ACTA2: variants seen among roughly 807,000 people sequenced by gnomAD.
ACTA2 encodes the protein actin alpha 2, smooth muscle.
In ACTA2, 12 loss-of-function variants were observed where a neutral mutation model predicts 39.5. That is an observed-to-expected ratio of 0.30 (90% CI 0.19 to 0.49). ACTA2 has a LOEUF of 0.49. Ranked by LOEUF, ACTA2 falls within the 20% of genes least tolerant of loss-of-function variation. ACTA2 has a pLI of 0.99. For synonymous variants in ACTA2, 158 were observed against 180.6 expected (o/e 0.88, Z 1.00); for missense variants, 236 against 498.8 (o/e 0.47, Z 5.02).
intron 7 of ACTA2, among the ~76,000 whole-genome samples, chr10:88,938,858 A>G (rs1046441900): frequency 6.6e-6 from 1 of 152,154 alleles, no homozygotes; most frequent in Admixed American, 6.5e-5. Flanking sequence ...CAATAGCACT[A>G]CCTGATTATT....
At chr10:88,941,051 T>C (rs981671736) in intron 6 of ACTA2, 178 bp downstream of exon 6, 7 of 733,206 alleles carry the variant, frequency 9.5e-6, no homozygotes, top group Non-Finnish European at 1.7e-5. Flanking sequence ...AAGGAAATAG[T>C]GTAATCATTT....
chr10:88,973,179 TA>T, intron 1 of ACTA2: 1 of 1,612,110 alleles, frequency 6.2e-7, no homozygotes, highest in South Asian at 1.1e-5. Context: ...GTGTGACCTA[TA>T]GATTCAGAAA....
In ACTA2 at chr10:88,990,865, T is replaced by C; in HGVS notation, c.-24+74A>G. Reference sequence around the variant, plus strand: ...GGGAAGCTCTTTCACTTCGGAGGATTGCTCAACAACCATGCTGGGCATCTG... The same window carrying C: ...GGGAAGCTCTTTCACTTCGGAGGATCGCTCAACAACCATGCTGGGCATCTG... On this transcript the variant is annotated intron_variant, in intron 1 of 4. Transcript: ENST00000415557. This position sits in a 1 kb window ranked among gnomAD's most constrained non-coding sequence, Gnocchi z 4.9. The C allele has an allele frequency of 1.2e-6, 2 of 1,614,206 alleles. No individual in the cohort carries two copies. The highest frequency in any genetic ancestry group is 1.7e-6 in the Non-Finnish European group (2 of 1,180,028).
At chr10:88,936,601 T>C (rs1470206720) in intron 8 of ACTA2, among the ~76,000 whole-genome samples, 1 of 137,266 alleles carries the variant, frequency 7.3e-6, no homozygotes, top group Non-Finnish European at 1.6e-5. Context: ...GCTTTTGCCA[T>C]GTGAGGTGTC....
chr10:88,946,487 G>T (rs1336864360), intron 3 of ACTA2, among the ~76,000 whole-genome samples: 4 of 151,750 alleles, frequency 2.6e-5, no homozygotes, highest in African/African-American at 9.7e-5. Context: ...CCATATCCCA[G>T]GCTCAAGTGA....
intron 1 of ACTA2, among the ~76,000 whole-genome samples, chr10:88,950,954 C>T (rs1277959690): frequency 6.6e-6 from 1 of 152,158 alleles, no homozygotes; most frequent in African/African-American, 2.4e-5. Context: ...TTATCCAGAA[C>T]TCTTTGTTTC....
Position 88,958,205 on chromosome 10 carries a change from G to T in ACTA2, c.-23-9252C>A, listed in dbSNP as rs183792692. On this transcript the variant is annotated intron_variant, in intron 1 of 4. Coordinates refer to the ACTA2 transcript ENST00000415557. ...TTTGAAGGCAGACTAAATTGATTTC[G>T]TCTTTGCATTCCTAGAACCTGGAAC... 4.6e-5 allele frequency among the ~76,000 whole-genome samples: 7 copies of T among 152,218 alleles called. No homozygotes were observed. The South Asian group carries it at 1.5e-3, about 32-fold the overall frequency.
At chr10:88,973,053 G>C (rs1242509728) in intron 1 of ACTA2, 1 of 1,077,254 alleles carries the variant, frequency 9.3e-7, no homozygotes, top group Non-Finnish European at 1.3e-6. Flanking sequence ...TATTTTAAAA[G>C]CTAACCTTGT....
Position 88,943,893 on chromosome 10 carries a change from A to G in ACTA2, c.273T>C (p.Ser91=). 1 of 1,613,976 alleles carries G rather than the reference A, an allele frequency of 6.2e-7. No individual in the cohort carries two copies. The highest frequency in any genetic ancestry group is 1.1e-5 in the South Asian group (1 of 91,078). ...GGGCAACACGAAGCTCATTGTAGAA[A>G]GAGTGGTGCCAGATCTAGTGAGTTG... ...WDDMEKIWHH[S]FYNELRVAPE... Residue 91 remains serine, a synonymous_variant, in exon 4 of 9, where the codon TCT becomes TCC. Transcript: ENST00000224784.
chr10:88,943,925 A>C lies in ACTA2; in HGVS notation c.259-18T>G. ...TGCCAGATCTAGTGAGTTGGGGGAC[A>C]GAGGAGAAACACAATGATGTGCTGT... On this transcript the variant is annotated intron_variant, in intron 3 of 8. Coordinates refer to ENST00000224784, the MANE Select transcript of ACTA2 (RefSeq NM_001613.4). 1 of 1,608,262 alleles carries C rather than the reference A, an allele frequency of 6.2e-7. No homozygotes were observed. The highest frequency in any genetic ancestry group is 8.5e-7 in the Non-Finnish European group (1 of 1,174,846).
intron 1 of ACTA2, among the ~76,000 whole-genome samples, chr10:88,949,396 A>G (rs1320063772): frequency 1.3e-5 from 2 of 152,206 alleles, no homozygotes; most frequent in African/African-American, 2.4e-5. Context: ...GATATGCTAT[A>G]CCTTTTTGAA....
chr10:88,976,935 T>G (rs1846578155), intron 1 of ACTA2, among the ~76,000 whole-genome samples: 1 of 152,224 alleles, frequency 6.6e-6, no homozygotes, highest in Non-Finnish European at 1.5e-5. Flanking sequence ...GATCCTTATA[T>G]CTGGTGAAGG....
intron 7 of ACTA2, 27 bp downstream of exon 7, chr10:88,939,480 C>A: frequency 6.2e-7 from 1 of 1,611,974 alleles, no homozygotes; most frequent in South Asian, 1.1e-5. Flanking sequence ...GACTCCCCTT[C>A]CCAGGAAAAG....
rs756496192 is a variant in ACTA2 at position 88,948,867 on chromosome 10, C to T, written c.64G>A (p.Gly22Ser). Reference protein sequence around the residue: ...CDNGSGLCKAGFAGDDAPRAV... With the variant: ...CDNGSGLCKASFAGDDAPRAV... Reference sequence around the variant, plus strand: ...CTGGGAGCATCGTCCCCAGCAAAGCCGGCCTTACAGAGCCCAGAGCCATTG... The same window carrying T: ...CTGGGAGCATCGTCCCCAGCAAAGCTGGCCTTACAGAGCCCAGAGCCATTG... The change falls in exon 2 of 9, where the codon GGC (glycine) becomes AGC (serine). Residue 22 changes from glycine to serine, a missense_variant. Coordinates refer to ENST00000224784, the MANE Select transcript of ACTA2 (RefSeq NM_001613.4). 3 of 1,613,970 alleles carry T rather than the reference C, an allele frequency of 1.9e-6. No individual in the cohort carries two copies. Among genetic ancestry groups the T allele is most frequent in the Admixed American group, 1.7e-5 (1 of 60,018 alleles).
In ACTA2 at chr10:88,943,886, T is replaced by TGTAGAAAGA. The variant is rs1845901119; in HGVS notation, c.271_279dup (p.Ser91_Tyr93dup). 6.2e-7 allele frequency: 1 copy of TGTAGAAAGA among 1,613,790 alleles called. No homozygotes were observed. Among genetic ancestry groups the TGTAGAAAGA allele is most frequent in the Non-Finnish European group, 8.5e-7 (1 of 1,179,896 alleles). The stretch of plus-strand genomic sequence containing the variant: ...TCTTCAGGGGCAACACGAAGCTCAT[T>TGTAGAAAGA]GTAGAAAGAGTGGTGCCAGATCTAG... On this transcript the variant is annotated inframe_insertion, in exon 4 of 9. Coordinates refer to ENST00000224784, the MANE Select transcript of ACTA2 (RefSeq NM_001613.4).
At chr10:88,987,467 T>C (rs566282824) in intron 1 of ACTA2, among the ~76,000 whole-genome samples, 18 of 152,272 alleles carry the variant, frequency 1.2e-4, no homozygotes, top group Admixed American at 7.2e-4. Context: ...TCTTTCAGCA[T>C]GGTTTCCTCT....
At chr10:88,939,248 C>T (rs1416643212) in intron 7 of ACTA2, 2 of 515,508 alleles carry the variant, frequency 3.9e-6, no homozygotes, top group Non-Finnish European at 3.5e-6. Context: ...AAAGCACAGG[C>T]ATTATTTAAT....
chr10:88,975,310 C>T (rs1319447434), intron 1 of ACTA2, among the ~76,000 whole-genome samples: 2 of 152,172 alleles, frequency 1.3e-5, no homozygotes, highest in African/African-American at 4.8e-5. Flanking sequence ...AAACCGTGTA[C>T]AGAGCAGCGT....
intron 8 of ACTA2, among the ~76,000 whole-genome samples, chr10:88,935,929 C>T (rs1411254950): frequency 6.6e-6 from 1 of 152,118 alleles, no homozygotes; most frequent in African/African-American, 2.4e-5. Context: ...TTGGCCTTTC[C>T]CAGTGCACAG....
Sources: allele counts gnomAD v4.1 joint callset (sites outside exome capture counted in the v4.1 genomes callset), GRCh38; gene constraint gnomAD v4.1.1; non-coding constraint Gnocchi (gnomAD v3.1); transcripts MANE v1.5; gene names NCBI Gene and HGNC (gene_info 2026-07-23, HGNC 2026-07-21).